The following PIP5K1B variants were observed in gnomAD, a reference collection of about 807,000 sequenced individuals.
PIP5K1B encodes phosphatidylinositol-4-phosphate 5-kinase type 1 beta, also known as phosphatidylinositol 4-phosphate 5-kinase type-1 beta.
PIP5K1B carries 42 observed loss-of-function variants against 67.0 expected under a neutral mutation model. The observed-to-expected ratio is 0.63, with a 90% confidence interval of 0.49 to 0.81. PIP5K1B has a LOEUF of 0.81. PIP5K1B is among the 30% of genes least tolerant of loss of function. The pLI, the probability that PIP5K1B is intolerant of heterozygous loss-of-function variation, is 0.00. For synonymous variants in PIP5K1B, 214 were observed against 231.4 expected, an observed-to-expected ratio of 0.92 and a Z score of 0.68; for missense variants, 459 against 646.3, an observed-to-expected ratio of 0.71 and a Z score of 3.14.
At chr9:68,728,813 C>T (rs899815179) in intron 1 of PIP5K1B, 19 of 152,128 alleles carry the variant, frequency 1.2e-4, no homozygotes, top group African/African-American at 3.9e-4. Flanking sequence ...GGATATCCAA[C>T]GAGAACCTCC....
intron 14 of PIP5K1B, among the ~76,000 whole-genome samples, chr9:68,958,407 T>C (rs1197218782): frequency 6.6e-6 from 1 of 152,208 alleles, no homozygotes; most frequent in Non-Finnish European, 1.5e-5. Context: ...AGTAATTGTT[T>C]AGACTCTTTA....
chr9:68,967,206 A>C (rs1829084663), intron 14 of PIP5K1B, among the ~76,000 whole-genome samples: 2 of 152,214 alleles, frequency 1.3e-5, no homozygotes, highest in Non-Finnish European at 2.9e-5. Context: ...CTACTTCCCC[A>C]CATATTGTAG....
chr9:68,847,419 G>T (rs1253343473), intron 4 of PIP5K1B, among the ~76,000 whole-genome samples: 1 of 136,646 alleles, frequency 7.3e-6, no homozygotes, highest in Non-Finnish European at 1.5e-5. Flanking sequence ...GGTTTTGTGT[G>T]TGTGTGTGTG....
rs1827178335 is a variant in PIP5K1B at position 68,934,991 on chromosome 9, G to A, written c.1303G>A (p.Glu435Lys). ...CTCAATTAGCCAGGAATGGAAGGAT[G>A]AGAAGCGGGATTTGCTGACTGAAGG... Reference protein sequence around the residue: ...VSSISQEWKDEKRDLLTEGQS... With the variant: ...VSSISQEWKDKKRDLLTEGQS... The change falls in exon 13 of 16, where the codon GAG becomes AAG. Residue 435 changes from glutamate (E) to lysine (K), a missense_variant. Physicochemically the swap from Glu to Lys is moderately conservative, Grantham distance 56. Transcript: ENST00000265382. 6.2e-7 allele frequency: 1 copy of A among 1,613,676 alleles called. No homozygotes were observed. The highest frequency in any genetic ancestry group is 1.7e-5 in the Admixed American group (1 of 59,982).
chr9:68,743,745 G>T (rs1587374176), intron 2 of PIP5K1B, among the ~76,000 whole-genome samples: 1 of 152,164 alleles, frequency 6.6e-6, no homozygotes, highest in East Asian at 1.9e-4. Context: ...ATGTTTTACT[G>T]CCCTGCATGT....
chr9:68,874,259 T>C (rs1587597201), intron 5 of PIP5K1B, among the ~76,000 whole-genome samples: 1 of 152,246 alleles, frequency 6.6e-6, no homozygotes, highest in Non-Finnish European at 1.5e-5. Context: ...CATGTCTTAA[T>C]ATGGCCCAAA....
At chr9:68,797,752 G>A (rs935244791) in intron 2 of PIP5K1B, among the ~76,000 whole-genome samples, 1 of 152,194 alleles carries the variant, frequency 6.6e-6, no homozygotes, top group Non-Finnish European at 1.5e-5. Context: ...CAAATTATCT[G>A]CTAAATTTTT....
chr9:68,872,094 A>T (rs1013029481), intron 5 of PIP5K1B, among the ~76,000 whole-genome samples: 2 of 152,226 alleles, frequency 1.3e-5, no homozygotes, highest in African/African-American at 4.8e-5. Context: ...GCAAACGTTG[A>T]TTGCGGTCAT....
chr9:68,898,092 C>A (rs1378435374), intron 8 of PIP5K1B, among the ~76,000 whole-genome samples: 1 of 152,204 alleles, frequency 6.6e-6, no homozygotes, highest in African/African-American at 2.4e-5. Flanking sequence ...CAGTCCCAGA[C>A]CCCTGTGTAT....
At chr9:68,955,995 T>C (rs1245541479) in intron 14 of PIP5K1B, among the ~76,000 whole-genome samples, 1 of 152,212 alleles carries the variant, frequency 6.6e-6, no homozygotes, top group Non-Finnish European at 1.5e-5. Flanking sequence ...CTTAGAAACA[T>C]TAATGTCAGG....
intron 2 of PIP5K1B, among the ~76,000 whole-genome samples, chr9:68,794,091 A>G (rs748439620): frequency 9.2e-5 from 14 of 152,234 alleles, no homozygotes; most frequent in Middle Eastern, 3.2e-3. Flanking sequence ...TGAGTGCTGC[A>G]TTTAGTGACA....
At chr9:68,886,650 G>A (rs769933834) in intron 6 of PIP5K1B, among the ~76,000 whole-genome samples, 3 of 152,296 alleles carry the variant, frequency 2.0e-5, no homozygotes, top group Middle Eastern at 3.4e-3. Flanking sequence ...TCTTTTATCC[G>A]CGGAACCAGG....
intron 13 of PIP5K1B, among the ~76,000 whole-genome samples, chr9:68,936,294 T>G (rs1827263679): frequency 6.6e-6 from 1 of 152,170 alleles, no homozygotes; most frequent in Non-Finnish European, 1.5e-5. Context: ...AATGTTTCAC[T>G]GTTGAAAAAG....
At chr9:68,810,098 C>T (rs1199894198) in intron 2 of PIP5K1B, among the ~76,000 whole-genome samples, 4 of 152,256 alleles carry the variant, frequency 2.6e-5, no homozygotes, top group African/African-American at 4.8e-5. Context: ...CCCAAATTAT[C>T]TTCCAATTGC....
At position 68,917,760 on chromosome 9, in the gene PIP5K1B, G is replaced by A. The variant is rs765983506; in HGVS notation, c.983+1G>A. On this transcript the variant is annotated splice_donor_variant, in intron 9 of 15. Transcript: ENST00000265382. LOFTEE classifies it high-confidence loss of function. Reference sequence around the variant, plus strand: ...GGATAATCACAGAGAACCCAGACACGTAAGTGCAGCCACACACCTACCCAC... The same window carrying A: ...GGATAATCACAGAGAACCCAGACACATAAGTGCAGCCACACACCTACCCAC... 8 of 1,610,892 alleles carry A rather than the reference G, an allele frequency of 5.0e-6. No homozygotes were observed. The highest frequency in any genetic ancestry group is 2.7e-5 in the African/African-American group (2 of 74,868).
chr9:68,778,892 T>C (rs1831064164), intron 2 of PIP5K1B, among the ~76,000 whole-genome samples: 1 of 152,194 alleles, frequency 6.6e-6, no homozygotes. Context: ...CTATTCTCTC[T>C]GCTTGGAATA....
intron 12 of PIP5K1B, among the ~76,000 whole-genome samples, chr9:68,928,258 T>C (rs1233361441): frequency 6.6e-6 from 1 of 152,202 alleles, no homozygotes; most frequent in Non-Finnish European, 1.5e-5. Context: ...GCTACTCTTT[T>C]TCATACTGTT....
chr9:68,861,695 C>CA, intron 4 of PIP5K1B, among the ~76,000 whole-genome samples: 1 of 152,120 alleles, frequency 6.6e-6, no homozygotes. Context: ...GCTTATGTCA[C>CA]GTCTTGTGCC....
In PIP5K1B at chr9:68,774,403, G is replaced by A. The variant is rs560163172; in HGVS notation, c.-86+31746G>A. Among the ~76,000 whole-genome samples the A allele has an allele frequency of 3.3e-5, 5 of 152,254 alleles. No homozygotes were observed. In the East Asian group the frequency reaches 7.7e-4, roughly 24 times the overall value. On this transcript the variant is annotated intron_variant, in intron 2 of 15. Coordinates refer to ENST00000265382, the MANE Select transcript of PIP5K1B (RefSeq NM_003558.4). ...AGAGATTTGGAAGCTCAGCATTCCAGTTTAGATTTCTGGTTAGTGTTTGAA... is the reference window on the plus strand; with the variant it reads ...AGAGATTTGGAAGCTCAGCATTCCAATTTAGATTTCTGGTTAGTGTTTGAA...
Sources: allele counts gnomAD v4.1 joint callset (sites outside exome capture counted in the v4.1 genomes callset), GRCh38; gene constraint gnomAD v4.1.1; transcripts MANE v1.5; gene names NCBI Gene and HGNC (gene_info 2026-07-23, HGNC 2026-07-21).